ANKS1B: variants seen among roughly 807,000 people sequenced by gnomAD.
ANKS1B encodes the protein ankyrin repeat and sterile alpha motif domain containing 1B.
In ANKS1B, 36 loss-of-function variants were observed where a neutral mutation model predicts 148.3. That is an observed-to-expected ratio of 0.24 (90% CI 0.19 to 0.32). ANKS1B has a LOEUF of 0.32. Ranked by LOEUF, ANKS1B falls within the 10% of genes least tolerant of loss-of-function variation. ANKS1B has a pLI of 1.00. For missense variants in ANKS1B, 1,157 were observed against 1,542.6 expected, an observed-to-expected ratio of 0.75 and a Z score of 4.19; for synonymous variants, 542 against 560.8, an observed-to-expected ratio of 0.97 and a Z score of 0.47.
intron 1 of ANKS1B, among the ~76,000 whole-genome samples, chr12:99,975,323 C>G (rs1397586491): frequency 6.6e-6 from 1 of 152,160 alleles, no homozygotes; most frequent in African/African-American, 2.4e-5. Context: ...AAAAGCTTTA[C>G]CAATCAATTA....
rs559784101 is a variant in ANKS1B, at chr12:99,336,920, G to A, written c.1756+62711C>T. Among the ~76,000 whole-genome samples the A allele has an allele frequency of 2.0e-5, 3 of 152,108 alleles. No homozygotes were observed. The East Asian group carries it at 5.8e-4, about 29-fold the overall frequency. ...TGTTATTTGTTTCTTTTCTCTTGCTGCTTTCAGGATCCTTTCTTTACATTT... is the reference window on the plus strand; with the variant it reads ...TGTTATTTGTTTCTTTTCTCTTGCTACTTTCAGGATCCTTTCTTTACATTT... On this transcript the variant is annotated intron_variant, in intron 12 of 26. Transcript: ENST00000683438.
intron 9 of ANKS1B, among the ~76,000 whole-genome samples, chr12:99,551,477 C>T (rs554702293): frequency 7.3e-6 from 1 of 136,950 alleles, no homozygotes; most frequent in Non-Finnish European, 1.5e-5. Context: ...CATAACCTAA[C>T]AGTGTCAGAT....
intron 8 of ANKS1B, among the ~76,000 whole-genome samples, chr12:99,732,379 G>A (rs1029897177): frequency 1.6e-4 from 25 of 152,056 alleles, no homozygotes; most frequent in Admixed American, 3.3e-4. Flanking sequence ...CCAAAATCTG[G>A]AAACAACCCA....
chr12:98,777,875 G>A (rs1001050474), intron 24 of ANKS1B, among the ~76,000 whole-genome samples: 11 of 152,220 alleles, frequency 7.2e-5, no homozygotes, highest in African/African-American at 2.7e-4. Flanking sequence ...AATAGGAAGG[G>A]AAGAGTAATT....
intron 8 of ANKS1B, among the ~76,000 whole-genome samples, chr12:99,764,597 A>G (rs768615137): frequency 6.6e-6 from 1 of 152,068 alleles, no homozygotes; most frequent in Non-Finnish European, 1.5e-5. Context: ...TAGTTTTTGT[A>G]TTTTTAGTAA....
chr12:99,228,724 G>C (rs566796184), intron 14 of ANKS1B, among the ~76,000 whole-genome samples: 1 of 151,734 alleles, frequency 6.6e-6, no homozygotes. Context: ...TTGACCAGGG[G>C]TTTATTAAAA....
chr12:99,422,540 G>A (rs1478549984), intron 11 of ANKS1B, among the ~76,000 whole-genome samples: 1 of 152,172 alleles, frequency 6.6e-6, no homozygotes, highest in East Asian at 1.9e-4. Flanking sequence ...TGAAAGCAGT[G>A]TGAGCGGGTT....
chr12:99,367,446 C>T (rs1470717583), intron 12 of ANKS1B, among the ~76,000 whole-genome samples: 1 of 152,080 alleles, frequency 6.6e-6, no homozygotes, highest in East Asian at 1.9e-4. Flanking sequence ...TGCAAAATGG[C>T]AAAAGCTCTT....
chr12:99,460,530 C>T (rs1464235871), intron 10 of ANKS1B, among the ~76,000 whole-genome samples: 3 of 151,304 alleles, frequency 2.0e-5, no homozygotes, highest in Non-Finnish European at 3.0e-5. Flanking sequence ...ACAAAAGCTA[C>T]AAGGAACTCA....
At chr12:99,181,036 A>G (rs1385784320) in intron 14 of ANKS1B, among the ~76,000 whole-genome samples, 1 of 152,180 alleles carries the variant, frequency 6.6e-6, no homozygotes, top group Non-Finnish European at 1.5e-5. Context: ...GTTTTCTCCA[A>G]CCATACTTCT....
At chr12:98,848,743 G>GATTTTTTTTTTTTTTTTTTTTTT (rs2099500216) in intron 17 of ANKS1B, among the ~76,000 whole-genome samples, 1 of 48,090 alleles carries the variant, frequency 2.1e-5, no homozygotes, top group Non-Finnish European at 3.5e-5. Context: ...TGTATGTGTG[G>GATTTTTTTTTTTTTTTTTTTTTT]TTTTTTTTTT....
At position 99,375,960 on chromosome 12, in the gene ANKS1B, T is replaced by C. The variant is rs146906154; in HGVS notation, c.1756+23671A>G. Among the ~76,000 whole-genome samples, 8 of 152,366 alleles carry C rather than the reference T, an allele frequency of 5.3e-5. No individual in the cohort carries two copies. In the East Asian group the frequency reaches 1.3e-3, roughly 26 times the overall value. On this transcript the variant is annotated intron_variant, in intron 12 of 26. Transcript: ENST00000683438. ...AAATGAAGAACTAGAACGTGGAATA[T>C]TGTCACATGGAACTAACATAAGAAG... is the stretch of plus-strand genomic sequence containing the variant.
intron 10 of ANKS1B, among the ~76,000 whole-genome samples, chr12:99,465,097 G>T (rs2096074564): frequency 6.6e-6 from 1 of 152,212 alleles, no homozygotes; most frequent in Non-Finnish European, 1.5e-5. Flanking sequence ...TGAACTCTCT[G>T]CAGAAACTCT....
chr12:99,361,832 C>T (rs1364060243), intron 12 of ANKS1B, among the ~76,000 whole-genome samples: 7 of 151,904 alleles, frequency 4.6e-5, no homozygotes, highest in Non-Finnish European at 2.9e-5. Context: ...GAACATTTGA[C>T]CACATTTAAT....
chr12:99,925,333 C>A (rs2094456511), intron 1 of ANKS1B, among the ~76,000 whole-genome samples: 1 of 152,134 alleles, frequency 6.6e-6, no homozygotes, highest in African/African-American at 2.4e-5. Flanking sequence ...CTGGATAAAG[C>A]TGATACCCTC....
At chr12:98,746,003 C>T (rs1009209532) in intron 26 of ANKS1B, 154 bp from the exon 27 acceptor site, 22 of 720,480 alleles carry the variant, frequency 3.1e-5, no homozygotes, top group Non-Finnish European at 4.3e-5. Flanking sequence ...TCTTTGGACA[C>T]ACATTTACCG....
intron 16 of ANKS1B, among the ~76,000 whole-genome samples, chr12:99,065,719 C>A (rs1271539975): frequency 6.6e-6 from 1 of 152,038 alleles, no homozygotes; most frequent in Non-Finnish European, 1.5e-5. Context: ...ATTTACTCAA[C>A]AAATACTAAC....
intron 12 of ANKS1B, among the ~76,000 whole-genome samples, chr12:99,261,651 T>C (rs2075934547): frequency 6.6e-6 from 1 of 152,126 alleles, no homozygotes; most frequent in Admixed American, 6.5e-5. Flanking sequence ...ACCTTTAAAA[T>C]ATAACTGCAA....
At chr12:99,890,483 G>C (rs1418752807) in intron 1 of ANKS1B, among the ~76,000 whole-genome samples, 1 of 151,908 alleles carries the variant, frequency 6.6e-6, no homozygotes, top group African/African-American at 2.4e-5. Flanking sequence ...CAGGCTCCCA[G>C]CTTGCCTTAC....
Sources: allele counts gnomAD v4.1 joint callset (sites outside exome capture counted in the v4.1 genomes callset), GRCh38; gene constraint gnomAD v4.1.1; transcripts MANE v1.5; gene names NCBI Gene and HGNC (gene_info 2026-07-23, HGNC 2026-07-21).